Variants in PRKD1 observed in about 807,000 individuals in gnomAD.
PRKD1 encodes the protein protein kinase D1.
In PRKD1, 63 loss-of-function variants were observed where a neutral mutation model predicts 95.9. The observed-to-expected ratio is 0.66, with a 90% CI of 0.54 to 0.81. The LOEUF is 0.81. Among genes scored for constraint, PRKD1 ranks in the 30% least tolerant of loss-of-function variants. PRKD1 has a pLI of 0.00. For missense variants in PRKD1, 1,048 were observed against 1,165.3 expected (o/e 0.90, Z 1.47); for synonymous variants, 425 against 423.1 (o/e 1.00, Z -0.05).
intron 1 of PRKD1, among the ~76,000 whole-genome samples, chr14:29,876,724 A>T (rs941567692): frequency 1.3e-5 from 2 of 151,988 alleles, no homozygotes; most frequent in African/African-American, 4.8e-5. Flanking sequence ...AACAAACAAA[A>T]AAAAACAAAA....
At chr14:29,607,295 TC>T (rs1878051522) in intron 13 of PRKD1, among the ~76,000 whole-genome samples, 1 of 152,206 alleles carries the variant, frequency 6.6e-6, no homozygotes, top group South Asian at 2.1e-4. Flanking sequence ...AGTTAGTCAA[TC>T]CCCGTCTTTC....
At chr14:29,725,695 A>G (rs1435120179) in intron 1 of PRKD1, 21 bp from the exon 2 acceptor site, 10 of 1,607,796 alleles carry the variant, frequency 6.2e-6, no homozygotes, top group Non-Finnish European at 8.5e-6. Flanking sequence ...AAATACCATG[A>G]GAGTGTAAAT....
intron 1 of PRKD1, among the ~76,000 whole-genome samples, chr14:29,845,802 G>A (rs1267254169): frequency 6.6e-6 from 1 of 152,082 alleles, no homozygotes; most frequent in Non-Finnish European, 1.5e-5. Context: ...AAACACTTCT[G>A]AACAACAGAC....
chr14:29,593,444 C>A (rs746912314), intron 16 of PRKD1, among the ~76,000 whole-genome samples: 2 of 152,162 alleles, frequency 1.3e-5, no homozygotes, highest in Non-Finnish European at 1.5e-5. Flanking sequence ...TCATCATCAT[C>A]CATATGGCCA....
chr14:29,842,034 G>A (rs576030804), intron 1 of PRKD1, among the ~76,000 whole-genome samples: 1 of 152,140 alleles, frequency 6.6e-6, no homozygotes, highest in Admixed American at 6.5e-5. Flanking sequence ...CCTACACAGG[G>A]TCAAGATTAT....
At chr14:29,586,690 G>A (rs1892944186) in intron 16 of PRKD1, among the ~76,000 whole-genome samples, 1 of 152,138 alleles carries the variant, frequency 6.6e-6, no homozygotes, top group Non-Finnish European at 1.5e-5. Flanking sequence ...TGCCCAGGCT[G>A]GAGTGCAATG....
At chr14:29,645,219 G>A (rs1881047929) in intron 4 of PRKD1, among the ~76,000 whole-genome samples, 1 of 152,142 alleles carries the variant, frequency 6.6e-6, no homozygotes, top group Non-Finnish European at 1.5e-5. Flanking sequence ...AAACAGTAGT[G>A]TGTTTTATGT....
At chr14:29,880,299 G>A (rs533163910) in intron 1 of PRKD1, among the ~76,000 whole-genome samples, 1 of 152,282 alleles carries the variant, frequency 6.6e-6, no homozygotes, top group Non-Finnish European at 1.5e-5. Flanking sequence ...GGCTGACAGT[G>A]GCCAATATAA....
intron 1 of PRKD1, among the ~76,000 whole-genome samples, chr14:29,777,700 CT>C (rs1888835438): frequency 6.6e-6 from 1 of 152,132 alleles, no homozygotes; most frequent in Non-Finnish European, 1.5e-5. Flanking sequence ...TAATGGGAGA[CT>C]TTACCACCCC....
At chr14:29,807,699 A>G (rs1453632636) in intron 1 of PRKD1, among the ~76,000 whole-genome samples, 2 of 150,912 alleles carry the variant, frequency 1.3e-5, no homozygotes, top group African/African-American at 4.9e-5. Context: ...TACCAGCCCA[A>G]TTTCTTTTCT....
At chr14:29,765,503 A>G (rs979916287) in intron 1 of PRKD1, among the ~76,000 whole-genome samples, 2 of 152,180 alleles carry the variant, frequency 1.3e-5, no homozygotes, top group Admixed American at 1.3e-4. Context: ...GGAGAAACAC[A>G]TATGCTATAG....
chr14:29,745,665 G>C lies in PRKD1; in HGVS notation c.265-19991C>G, dbSNP rs2139445372. 2.0e-5 allele frequency among the ~76,000 whole-genome samples: 3 copies of C among 151,948 alleles called. No individual in the cohort carries two copies. In the South Asian group the frequency reaches 6.2e-4, roughly 32 times the overall value. Reference sequence around the variant, plus strand: ...TATTATTATTATTATTGTAGAGACAGGGGGTCTCACTATGTTGCCCAGGCT... The same window carrying C: ...TATTATTATTATTATTGTAGAGACACGGGGTCTCACTATGTTGCCCAGGCT... On this transcript the variant is annotated intron_variant, in intron 1 of 17. Transcript: ENST00000331968.
At chr14:29,637,027 C>A (rs1293435925) in intron 6 of PRKD1, among the ~76,000 whole-genome samples, 1 of 152,024 alleles carries the variant, frequency 6.6e-6, no homozygotes, top group Non-Finnish European at 1.5e-5. Context: ...TCCGTTTTCC[C>A]AAGCCTGAAA....
rs562425123 is a variant in PRKD1, at chr14:29,675,051, G to A, written c.404-8843C>T. The stretch of plus-strand genomic sequence containing the variant: ...CAACAATTGCTGAATCCAATTCAGC[G>A]CTGTTGGCCAAGGAACCTGCTGTGT... On this transcript the variant is annotated intron_variant, in intron 2 of 17. Transcript: ENST00000331968. Among the ~76,000 whole-genome samples, 10 of 152,262 alleles carry A rather than the reference G, an allele frequency of 6.6e-5. No individual in the cohort carries two copies. In the East Asian group the frequency reaches 1.2e-3, roughly 18 times the overall value.
At chr14:29,776,047 A>C (rs992496034) in intron 1 of PRKD1, among the ~76,000 whole-genome samples, 10 of 152,022 alleles carry the variant, frequency 6.6e-5, no homozygotes, top group African/African-American at 2.4e-4. Context: ...TCTGGAGTGG[A>C]CCTCCAGCAA....
chr14:29,686,437 A>T (rs1172983677), intron 2 of PRKD1, among the ~76,000 whole-genome samples: 2 of 152,154 alleles, frequency 1.3e-5, no homozygotes, highest in Non-Finnish European at 2.9e-5. Flanking sequence ...TTCTTTAGCT[A>T]TCATCTCCAC....
At chr14:29,620,750 C>T (rs61977969) in intron 13 of PRKD1, among the ~76,000 whole-genome samples, 3 of 152,150 alleles carry the variant, frequency 2.0e-5, no homozygotes, top group African/African-American at 2.4e-5. Context: ...AGTTCAACCA[C>T]TGTGGAAGTC....
At chr14:29,645,777 G>C (rs1364290811) in intron 4 of PRKD1, among the ~76,000 whole-genome samples, 1 of 151,964 alleles carries the variant, frequency 6.6e-6, no homozygotes, top group Non-Finnish European at 1.5e-5. Flanking sequence ...TTCATAGATG[G>C]TTTCCTCCTT....
intron 2 of PRKD1, among the ~76,000 whole-genome samples, chr14:29,695,784 G>A (rs949846196): frequency 2.0e-5 from 3 of 152,186 alleles, no homozygotes; most frequent in African/African-American, 7.2e-5. Context: ...TATCAGAAAA[G>A]AGGAAGAGTG....
Sources: gnomAD v4.1 joint callset for allele counts (sites outside exome capture counted in the v4.1 genomes callset) on GRCh38, gnomAD v4.1.1 for gene constraint, MANE v1.5 for transcripts, NCBI Gene and HGNC (gene_info 2026-07-23, HGNC 2026-07-21) for gene names.